Variants in RLF observed in about 807,000 individuals in gnomAD.
RLF encodes the protein zinc finger protein Rlf.
RLF carries 7 observed loss-of-function variants against 162.9 expected under a neutral mutation model. The observed-to-expected ratio is 0.04, with a 90% CI of 0.02 to 0.08. The LOEUF (loss-of-function observed/expected upper bound fraction) is 0.08, where lower values mean the gene tolerates loss of function less well. Ranked by LOEUF, RLF falls within the 10% of genes least tolerant of loss-of-function variation. The pLI is 1.00. For missense variants in RLF, 1,664 were observed against 2,244.7 expected, an observed-to-expected ratio of 0.74 and a Z score of 5.23; for synonymous variants, 782 against 791.5, an observed-to-expected ratio of 0.99 and a Z score of 0.20.
intron 1 of RLF, among the ~76,000 whole-genome samples, chr1:40,177,232 C>G: frequency 6.6e-6 from 1 of 151,860 alleles, no homozygotes; most frequent in Middle Eastern, 3.4e-3. Flanking sequence ...GTGATCTGCC[C>G]GTGCTGGGAT....
chr1:40,209,001 C>T (rs1341952397), intron 5 of RLF, among the ~76,000 whole-genome samples: 1 of 152,166 alleles, frequency 6.6e-6, no homozygotes, highest in Admixed American at 6.5e-5. Flanking sequence ...CATGATCCAA[C>T]TCACTGTCAC....
intron 1 of RLF, among the ~76,000 whole-genome samples, chr1:40,168,603 C>T (rs907471513): frequency 6.6e-6 from 1 of 152,126 alleles, no homozygotes; most frequent in Non-Finnish European, 1.5e-5. Context: ...AGGGATCACA[C>T]CTTATTGTTC....
At chr1:40,219,812 C>T (rs1259543375) in intron 5 of RLF, among the ~76,000 whole-genome samples, 2 of 152,186 alleles carry the variant, frequency 1.3e-5, no homozygotes, top group African/African-American at 2.4e-5. Flanking sequence ...TTTGCTGAAA[C>T]TGCATAATTG....
intron 2 of RLF, 150 bp downstream of exon 2, chr1:40,189,359 C>T: frequency 1.6e-6 from 1 of 611,208 alleles, no homozygotes; most frequent in Non-Finnish European, 2.7e-6. Flanking sequence ...CTCACGTTCC[C>T]AGGAGATATA....
At chr1:40,223,580 C>T (rs934149431) in intron 6 of RLF, among the ~76,000 whole-genome samples, 1 of 152,174 alleles carries the variant, frequency 6.6e-6, no homozygotes, top group Non-Finnish European at 1.5e-5. Context: ...CTAGTAAAGC[C>T]TTTTGTGTAC....
rs534728815 is a variant in RLF at position 40,236,391 on chromosome 1, A to G, written c.1689A>G (p.Glu563=). The G allele has an allele frequency of 6.8e-6, 11 of 1,614,084 alleles. No homozygotes were observed. The highest frequency in any genetic ancestry group is 8.5e-6 in the Non-Finnish European group (10 of 1,179,992). The stretch of plus-strand genomic sequence containing the variant: ...TTTTCTGTTTGTTATGTAAGCGGGA[A>G]TGTATAGAGGCTAGAATTCTTCATC... ...YKFFCLLCKR[E]CIEARILHHS... The change falls in exon 8 of 8, where the codon GAA becomes GAG. Residue 563 remains glutamate (E), a synonymous_variant. Coordinates refer to ENST00000372771, the MANE Select transcript of RLF (RefSeq NM_012421.4). The surrounding 1 kb of genome is among the most constrained non-coding windows in gnomAD (Gnocchi z 7.7).
At chr1:40,214,474 C>T (rs896559555) in intron 5 of RLF, among the ~76,000 whole-genome samples, 1 of 152,092 alleles carries the variant, frequency 6.6e-6, no homozygotes, top group Non-Finnish European at 1.5e-5. Flanking sequence ...TGTCACACTG[C>T]GCATGTTTGT....
chr1:40,166,101 A>G (rs779459477), intron 1 of RLF, among the ~76,000 whole-genome samples: 27 of 152,180 alleles, frequency 1.8e-4, no homozygotes, highest in Non-Finnish European at 1.5e-4. Flanking sequence ...GTGCCTACAT[A>G]ATTTGTTTCC....
chr1:40,239,494 A>G lies in RLF; in HGVS notation c.4792A>G (p.Ile1598Val). ...TGTTTGCGTTAAGTACGGTACCAAAATTAAGGAGGAACCCCCTTCTGAAGC... is the reference window on the plus strand; with the variant it reads ...TGTTTGCGTTAAGTACGGTACCAAAGTTAAGGAGGAACCCCCTTCTGAAGC... ...LVVCVKYGTKIKEEPPSEADP... is the reference protein window; with the variant it reads ...LVVCVKYGTKVKEEPPSEADP... Residue 1598 changes from isoleucine (I) to valine (V), a missense_variant, in exon 8 of 8, where the codon ATT becomes GTT. Ile to Val is a conservative substitution (Grantham distance 29, BLOSUM62 3). Around this residue, in one of 15 missense-constraint regions of RLF, gnomAD observed 327 missense variants for 342.7 expected, o/e 0.95. Transcript: ENST00000372771. 1 of 1,614,036 alleles carries G rather than the reference A, an allele frequency of 6.2e-7. No individual in the cohort carries two copies. Among genetic ancestry groups the G allele is most frequent in the Non-Finnish European group, 8.5e-7 (1 of 1,180,020 alleles).
At chr1:40,177,613 T>C (rs1642345571) in intron 1 of RLF, among the ~76,000 whole-genome samples, 1 of 152,170 alleles carries the variant, frequency 6.6e-6, no homozygotes, top group African/African-American at 2.4e-5. Context: ...TCTAAGAACG[T>C]AAATTCTTAA....
chr1:40,213,911 A>G (rs1461641337), intron 5 of RLF, among the ~76,000 whole-genome samples: 1 of 152,244 alleles, frequency 6.6e-6, no homozygotes, highest in Non-Finnish European at 1.5e-5. Flanking sequence ...GAACGTAAGT[A>G]TGCTGCCTGT....
At chr1:40,185,674 A>G (rs1248084306) in intron 1 of RLF, among the ~76,000 whole-genome samples, 1 of 143,400 alleles carries the variant, frequency 7.0e-6, no homozygotes, top group African/African-American at 2.5e-5. Context: ...AAAAAAAAAA[A>G]AAAATTAGCC....
intron 2 of RLF, among the ~76,000 whole-genome samples, chr1:40,189,447 C>T (rs1642528091): frequency 6.6e-6 from 1 of 152,094 alleles, no homozygotes; most frequent in Non-Finnish European, 1.5e-5. Context: ...GGCTTGGAAT[C>T]TGAGAATGAT....
At chr1:40,193,332 CAA>C (rs1199962443) in intron 3 of RLF, among the ~76,000 whole-genome samples, 10 of 152,056 alleles carry the variant, frequency 6.6e-5, no homozygotes, top group Non-Finnish European at 1.5e-4. Flanking sequence ...CTATTGGTAA[CAA>C]AGGATTACAT....
At chr1:40,234,222 T>C (rs1213352187) in intron 7 of RLF, among the ~76,000 whole-genome samples, 6 of 152,212 alleles carry the variant, frequency 3.9e-5, no homozygotes, top group Non-Finnish European at 8.8e-5. Flanking sequence ...AGTGCTGGGA[T>C]TACAGGTGTG....
At chr1:40,186,600 CCTT>C (rs1642484527) in intron 1 of RLF, among the ~76,000 whole-genome samples, 1 of 152,118 alleles carries the variant, frequency 6.6e-6, no homozygotes, top group Non-Finnish European at 1.5e-5. Flanking sequence ...TGCACTCTGT[CCTT>C]CTCTTTGCAT....
intron 6 of RLF, among the ~76,000 whole-genome samples, chr1:40,229,357 G>A (rs1261509647): frequency 1.3e-5 from 2 of 151,498 alleles, no homozygotes; most frequent in African/African-American, 4.8e-5. Flanking sequence ...AGTAGCACTA[G>A]CCAAATAAAG....
intron 5 of RLF, among the ~76,000 whole-genome samples, chr1:40,218,779 T>C (rs766921605): frequency 6.6e-5 from 10 of 152,226 alleles, no homozygotes; most frequent in Non-Finnish European, 1.0e-4. Context: ...TAGTTATTGA[T>C]GTTCATTCAT....
chr1:40,238,812 T>A lies in RLF; in HGVS notation c.4110T>A (p.Asn1370Lys), dbSNP rs748129417. Reference sequence around the variant, plus strand: ...TTGCTTGCAAATATAAGGAATGTAATAAACGCTTCCTGTGTTCCAAAGCTC... The same window carrying A: ...TTGCTTGCAAATATAAGGAATGTAAAAAACGCTTCCTGTGTTCCAAAGCTC... ...KIFACKYKEC[N>K]KRFLCSKALA... Residue 1370 changes from asparagine to lysine, a missense_variant, in exon 8 of 8, where the codon AAT becomes AAA. Asn to Lys is a moderately conservative substitution (Grantham distance 94). This residue lies in a region of RLF where 200 missense variants were observed against 207.3 expected (regional missense o/e 0.96). Transcript: ENST00000372771. This position sits in a 1 kb window ranked among gnomAD's most constrained non-coding sequence, Gnocchi z 5.2. 6.2e-7 allele frequency: 1 copy of A among 1,613,586 alleles called. No individual in the cohort carries two copies. The highest frequency in any genetic ancestry group is 1.3e-5 in the African/African-American group (1 of 74,902).
Sources: gnomAD v4.1 joint callset for allele counts (sites outside exome capture counted in the v4.1 genomes callset) on GRCh38, gnomAD v4.1.1 for gene constraint, gnomAD v4.1.1 regional missense constraint, Gnocchi (gnomAD v3.1) non-coding constraint, MANE v1.5 for transcripts, NCBI Gene and HGNC (gene_info 2026-07-23, HGNC 2026-07-21) for gene names.